Variants in DLGAP1 observed in about 807,000 individuals in gnomAD.
DLGAP1 encodes DLG associated protein 1, also known as disks large-associated protein 1.
A neutral mutation model predicts 90.8 loss-of-function variants in DLGAP1; 11 were observed. That is an observed-to-expected ratio of 0.12 (90% confidence interval 0.08 to 0.20). The LOEUF is 0.20. Among genes scored for constraint, DLGAP1 ranks in the 10% least tolerant of loss-of-function variants. DLGAP1 has a pLI of 1.00. For missense variants in DLGAP1, 1,050 were observed against 1,333.8 expected, an observed-to-expected ratio of 0.79 and a Z score of 3.31; for synonymous variants, 558 against 540.7, an observed-to-expected ratio of 1.03 and a Z score of -0.44.
At chr18:3,788,320 T>C (rs531281774) in intron 5 of DLGAP1, among the ~76,000 whole-genome samples, 1 of 152,276 alleles carries the variant, frequency 6.6e-6, no homozygotes, top group African/African-American at 2.4e-5. Context: ...AAGATGAAGA[T>C]AGGTGACTCC....
rs992574496 is a variant in DLGAP1 at position 3,563,603 on chromosome 18, G to A, written c.2057+3887C>T. Among the ~76,000 whole-genome samples the A allele has an allele frequency of 2.6e-5, 4 of 152,078 alleles. No individual in the cohort carries two copies. The South Asian group carries it at 8.3e-4, about 32-fold the overall frequency. On this transcript the variant is annotated intron_variant, in intron 9 of 12. Coordinates refer to ENST00000315677, the MANE Select transcript of DLGAP1 (RefSeq NM_004746.4). ...TCCTACCTCATCCTCCCAAGTAGCT[G>A]GGATTACAGGCATGCACCACCATAC...
intron 1 of DLGAP1, among the ~76,000 whole-genome samples, chr18:4,362,584 A>C (rs899816348): frequency 1.3e-5 from 2 of 152,116 alleles, no homozygotes; most frequent in Non-Finnish European, 1.5e-5. Context: ...AGATGTGGGA[A>C]ATGGAAAGTT....
chr18:4,309,805 T>C (rs781225011), intron 1 of DLGAP1, among the ~76,000 whole-genome samples: 106 of 152,150 alleles, frequency 7.0e-4, no homozygotes, highest in Non-Finnish European at 1.3e-3. Context: ...ATGTATCAAA[T>C]GGGGGCATTA....
intron 2 of DLGAP1, among the ~76,000 whole-genome samples, chr18:4,109,930 T>C (rs1331153124): frequency 6.6e-6 from 1 of 152,126 alleles, no homozygotes; most frequent in Non-Finnish European, 1.5e-5. Context: ...AGTCTTGAAA[T>C]GTGAAATATA....
At chr18:3,523,736 A>G (rs376200948) in intron 10 of DLGAP1, among the ~76,000 whole-genome samples, 11 of 151,980 alleles carry the variant, frequency 7.2e-5, no homozygotes, top group African/African-American at 2.4e-4. Context: ...AGTCCCAGCT[A>G]CACTGGGAGG....
intron 2 of DLGAP1, among the ~76,000 whole-genome samples, chr18:4,080,891 T>C (rs8083080): frequency 6.5e-4 from 31 of 47,742 alleles, no homozygotes; most frequent in South Asian, 1.3e-3. Context: ...TTGAATGCCC[T>C]TTTTTTTTTT....
At chr18:3,650,585 G>A (rs1196362878) in intron 7 of DLGAP1, among the ~76,000 whole-genome samples, 2 of 152,216 alleles carry the variant, frequency 1.3e-5, no homozygotes, top group African/African-American at 4.8e-5. Context: ...TTATAAACAG[G>A]ATGTCTGGGT....
At chr18:3,988,038 T>C (rs2073877889) in intron 3 of DLGAP1, among the ~76,000 whole-genome samples, 2 of 152,108 alleles carry the variant, frequency 1.3e-5, no homozygotes, top group African/African-American at 2.4e-5. Context: ...TGTAGTGGAA[T>C]AATTGTACAA....
chr18:3,956,136 T>C (rs1020828174), intron 3 of DLGAP1, among the ~76,000 whole-genome samples: 3 of 152,054 alleles, frequency 2.0e-5, no homozygotes, highest in Admixed American at 6.5e-5. Context: ...TCAAACTGTA[T>C]AAAGGCAGCG....
At chr18:3,740,962 CCACCACCATCA>C (rs2062888226) in intron 6 of DLGAP1, among the ~76,000 whole-genome samples, 1 of 145,120 alleles carries the variant, frequency 6.9e-6, no homozygotes, top group Non-Finnish European at 1.5e-5. Context: ...GTCACCACCA[CCACCACCATCA>C]CATCACCACC....
chr18:4,291,266 T>C (rs1568493900), intron 1 of DLGAP1, among the ~76,000 whole-genome samples: 1 of 152,240 alleles, frequency 6.6e-6, no homozygotes, highest in Admixed American at 6.5e-5. Flanking sequence ...GGAAGGACTT[T>C]GTACAAATAA....
At chr18:3,656,268 A>ATTTT in intron 7 of DLGAP1, 2 of 599,240 alleles carry the variant, frequency 3.3e-6, no homozygotes, top group Non-Finnish European at 5.5e-6. Flanking sequence ...AAAATAAAAT[A>ATTTT]ATTTTTAGTC....
At chr18:3,656,682 T>C (rs186376102) in intron 7 of DLGAP1, among the ~76,000 whole-genome samples, 57 of 152,290 alleles carry the variant, frequency 3.7e-4, no homozygotes, top group African/African-American at 1.3e-3. Flanking sequence ...CAAGTCAAGT[T>C]GTTCATGAAG....
chr18:4,338,474 C>A (rs2081119853), intron 1 of DLGAP1, among the ~76,000 whole-genome samples: 1 of 152,128 alleles, frequency 6.6e-6, no homozygotes, highest in African/African-American at 2.4e-5. Flanking sequence ...TTAAATGACC[C>A]TGGGCATGTA....
chr18:3,812,208 C>T (rs1020218750), intron 5 of DLGAP1, among the ~76,000 whole-genome samples: 13 of 152,230 alleles, frequency 8.5e-5, no homozygotes, highest in Admixed American at 8.5e-4. Context: ...TTTTAAGGTC[C>T]ATAGAAGAAT....
intron 1 of DLGAP1, among the ~76,000 whole-genome samples, chr18:4,449,126 G>C (rs1239282869): frequency 1.3e-5 from 2 of 152,148 alleles, no homozygotes; most frequent in Non-Finnish European, 2.9e-5. Flanking sequence ...ACAAAAAGGA[G>C]AACTCAATGT....
At chr18:4,300,283 A>G (rs1409299862) in intron 1 of DLGAP1, among the ~76,000 whole-genome samples, 2 of 152,210 alleles carry the variant, frequency 1.3e-5, no homozygotes, top group African/African-American at 4.8e-5. Context: ...TCGTGTTTAA[A>G]TGTTTTCCTG....
rs930335758 is a variant in DLGAP1 at position 4,105,847 on chromosome 18, G to A, written c.-159+45333C>T. On this transcript the variant is annotated intron_variant, in intron 2 of 12. Transcript: ENST00000315677. ...AGATCGAGACCATCCTGGCTAACAC[G>A]GTGAAACCCCGTCTCTACTAAAAAT... Among the ~76,000 whole-genome samples, 5 of 151,710 alleles carry A rather than the reference G, an allele frequency of 3.3e-5. No individual in the cohort carries two copies. The East Asian group carries it at 5.9e-4, about 18-fold the overall frequency.
intron 7 of DLGAP1, among the ~76,000 whole-genome samples, chr18:3,602,318 G>A (rs1024798503): frequency 2.8e-4 from 42 of 152,060 alleles, no homozygotes; most frequent in African/African-American, 9.4e-4. Flanking sequence ...TGTTTTGGCC[G>A]GGCGCGGTGG....
Sources: gnomAD v4.1 joint callset for allele counts (sites outside exome capture counted in the v4.1 genomes callset) on GRCh38, gnomAD v4.1.1 for gene constraint, MANE v1.5 for transcripts, NCBI Gene and HGNC (gene_info 2026-07-23, HGNC 2026-07-21) for gene names.